The following ZNF626 variants were observed in gnomAD, a reference collection of about 807,000 sequenced individuals.
ZNF626 encodes zinc finger protein 626.
ZNF626 carries 4 observed loss-of-function variants against 11.7 expected under a neutral mutation model. That is an observed-to-expected ratio of 0.34 (90% CI 0.17 to 0.78). The LOEUF is 0.78. Ranked by LOEUF, ZNF626 falls within the 30% of genes least tolerant of loss-of-function variation. The probability of loss-of-function intolerance (pLI) is 0.57; values close to 1 mark genes in which losing one functional copy is unlikely to be tolerated. For missense variants in ZNF626, 588 were observed against 587.1 expected (o/e 1.00, Z -0.01); for synonymous variants, 179 against 198.6 (o/e 0.90, Z 0.83).
At chr19:20,627,792 A>G (rs560257947) in intron 3 of ZNF626, among the ~76,000 whole-genome samples, 1 of 152,200 alleles carries the variant, frequency 6.6e-6, no homozygotes, top group Non-Finnish European at 1.5e-5. Context: ...TTTTATTATT[A>G]TTACACTTTA....
In ZNF626 at chr19:20,622,531, C is replaced by T. The variant is rs1034351110; in HGVS notation, c.*1759G>A. 3 of 152,076 alleles carry T rather than the reference C, an allele frequency of 2.0e-5. No individual in the cohort carries two copies. The highest frequency in any genetic ancestry group is 1.3e-4 in the Admixed American group (2 of 15,262). 9.4% of individuals were successfully genotyped at this position (152,076 alleles called of 1,614,324 possible). A position where few individuals can be genotyped will look rare whatever the true frequency, so the allele number is the denominator to read the frequency against. On this transcript the variant is annotated 3_prime_UTR_variant, in exon 4 of 4. Coordinates refer to ENST00000601440, the MANE Select transcript of ZNF626 (RefSeq NM_001076675.3). The stretch of plus-strand genomic sequence containing the variant: ...TCTCTGATGCAGCAACAATTGATCA[C>T]ATACTTTCACGTGAATATAATAAAG...
intron 3 of ZNF626, among the ~76,000 whole-genome samples, chr19:20,640,413 AGACTT>A (rs1970011631): frequency 6.6e-6 from 1 of 151,546 alleles, no homozygotes; most frequent in Non-Finnish European, 1.5e-5. Context: ...AGTTTACACT[AGACTT>A]CAAAATTTCT....
intron 3 of ZNF626, among the ~76,000 whole-genome samples, chr19:20,632,584 TAC>T: frequency 6.6e-6 from 1 of 152,370 alleles, no homozygotes; most frequent in South Asian, 2.1e-4. Context: ...TCGCATCGGC[TAC>T]AGAGGCTTCT....
intron 3 of ZNF626, among the ~76,000 whole-genome samples, chr19:20,627,207 G>A (rs1248169344): frequency 1.3e-5 from 2 of 151,944 alleles, no homozygotes; most frequent in African/African-American, 4.8e-5. Context: ...TGAAAAAGCT[G>A]AAGAAACAAA....
At chr19:20,636,697 G>C (rs1460342928) in intron 3 of ZNF626, among the ~76,000 whole-genome samples, 3 of 152,136 alleles carry the variant, frequency 2.0e-5, no homozygotes, top group African/African-American at 7.2e-5. Context: ...AGTTGAGACT[G>C]TTCATCACCA....
At chr19:20,638,995 T>G (rs999917241) in intron 3 of ZNF626, among the ~76,000 whole-genome samples, 9 of 152,228 alleles carry the variant, frequency 5.9e-5, no homozygotes, top group Non-Finnish European at 8.8e-5. Flanking sequence ...GCTCACAGTT[T>G]GGCAGACTGT....
intron 1 of ZNF626, among the ~76,000 whole-genome samples, chr19:20,653,137 C>T (rs1406847749): frequency 1.3e-5 from 2 of 152,130 alleles, no homozygotes; most frequent in African/African-American, 4.8e-5. Flanking sequence ...TGTGAATTTA[C>T]TGGAAGCCTG....
At chr19:20,640,549 G>A (rs1239772450) in intron 3 of ZNF626, among the ~76,000 whole-genome samples, 1 of 150,510 alleles carries the variant, frequency 6.6e-6, no homozygotes, top group African/African-American at 2.4e-5. Context: ...ACTAAACAAT[G>A]ATGAATAACT....
chr19:20,637,927 CCCAGGAGTTCAAGA>C (rs1169301784), intron 3 of ZNF626, among the ~76,000 whole-genome samples: 1 of 152,042 alleles, frequency 6.6e-6, no homozygotes, highest in Non-Finnish European at 1.5e-5. Flanking sequence ...ATCACTTGAT[CCCAGGAGTTCAAGA>C]CCAGCCTGGG....
chr19:20,640,240 ATTAATTTTAATT>A (rs200138038), intron 3 of ZNF626, among the ~76,000 whole-genome samples: 65,669 of 147,548 alleles, frequency 0.45, 15,765 homozygotes, highest in African/African-American at 0.63. Context: ...TAATTAAATT[ATTAATTTTAATT>A]ATTAAAATTA....
At chr19:20,652,675 T>C (rs779810073) in intron 1 of ZNF626, among the ~76,000 whole-genome samples, 4 of 152,184 alleles carry the variant, frequency 2.6e-5, no homozygotes, top group African/African-American at 4.8e-5. Flanking sequence ...AATTGCACTT[T>C]TATTTTAACG....
chr19:20,641,672 T>G lies in ZNF626; in HGVS notation c.226+4012A>C, dbSNP rs146670757. On this transcript the variant is annotated intron_variant, in intron 3 of 3. Transcript: ENST00000601440. ...TGGCACAATTTTGACTCCAGCTCAA[T>G]CTCCCATGTAGCTGGGACCACAGCT... Among the ~76,000 whole-genome samples the G allele has an allele frequency of 7.6e-3, 1,150 of 152,084 alleles. 50 individuals are homozygous for G. The South Asian group carries it at 0.1, about 14-fold the overall frequency.
intron 1 of ZNF626, among the ~76,000 whole-genome samples, chr19:20,657,537 T>C (rs1320229352): frequency 2.0e-5 from 3 of 152,096 alleles, no homozygotes; most frequent in Non-Finnish European, 4.4e-5. Flanking sequence ...CCAGGCATGG[T>C]GGCTCACGCC....
intron 3 of ZNF626, among the ~76,000 whole-genome samples, chr19:20,627,162 T>C (rs1326797122): frequency 6.6e-6 from 1 of 151,520 alleles, no homozygotes; most frequent in African/African-American, 2.4e-5. Flanking sequence ...AAAAAACAAT[T>C]GAAAAATTTC....
chr19:20,633,196 C>A (rs1275118585), intron 3 of ZNF626, among the ~76,000 whole-genome samples: 1 of 152,214 alleles, frequency 6.6e-6, no homozygotes, highest in African/African-American at 2.4e-5. Flanking sequence ...TCCACCCCTA[C>A]TGGGGGGTGC....
intron 3 of ZNF626, chr19:20,645,151 T>G: frequency 1.2e-6 from 1 of 850,062 alleles, no homozygotes; most frequent in Non-Finnish European, 1.5e-6. Context: ...AAAGCAATCA[T>G]GAGGAAAATA....
At chr19:20,645,867 A>C in intron 2 of ZNF626, 88 bp from the exon 3 acceptor site, 1 of 894,252 alleles carries the variant, frequency 1.1e-6, no homozygotes, top group Non-Finnish European at 1.6e-6. Flanking sequence ...GATGTGATAA[A>C]ATATTCTAGT....
chr19:20,632,389 A>G (rs2144770783), intron 3 of ZNF626, among the ~76,000 whole-genome samples: 1 of 152,316 alleles, frequency 6.6e-6, no homozygotes, highest in East Asian at 1.9e-4. Context: ...ATGCTTTCCA[A>G]CTTGGTTCCA....
rs1969780940 is a variant in ZNF626, at chr19:20,623,536, TGC to T, written c.*752_*753del. On this transcript the variant is annotated 3_prime_UTR_variant, in exon 4 of 4. Transcript: ENST00000601440. ...ACTTGTGGCCAGGCATGGTGGCTCA[TGC>T]CTGTAATTGCAACACTTTAGGAGGC... The T allele has an allele frequency of 6.4e-6, 1 of 155,820 alleles. No individual in the cohort carries two copies. The highest frequency in any genetic ancestry group is 6.2e-5 in the Admixed American group (1 of 16,044). The allele number at this position is 155,820 out of a possible 1,614,324, so 9.7% of individuals were successfully genotyped here.
Sources: gnomAD v4.1 joint callset for allele counts (sites outside exome capture counted in the v4.1 genomes callset) on GRCh38, gnomAD v4.1.1 for gene constraint, MANE v1.5 for transcripts, NCBI Gene and HGNC (gene_info 2026-07-23, HGNC 2026-07-21) for gene names.